The following MARCHF4 variants were observed in gnomAD, a reference collection of about 807,000 sequenced individuals.
MARCHF4 encodes the protein E3 ubiquitin-protein ligase MARCHF4.
In MARCHF4, 14 loss-of-function variants were observed where a neutral mutation model predicts 43.9. The observed-to-expected ratio is 0.32, with a 90% CI of 0.21 to 0.50. MARCHF4 has a LOEUF of 0.50. MARCHF4 is among the 20% of genes least tolerant of loss of function. MARCHF4 has a pLI of 0.98. For missense variants in MARCHF4, 468 were observed against 536.7 expected (o/e 0.87, Z 1.27); for synonymous variants, 226 against 213.3 (o/e 1.06, Z -0.52).
At chr2:216,259,859 C>A in intron 3 of MARCHF4, 180 bp from the exon 4 acceptor site, 1 of 620,448 alleles carries the variant, frequency 1.6e-6, no homozygotes, top group South Asian at 2.1e-5. Flanking sequence ...GGTGGAGGGG[C>A]CACCAGACCG....
At position 216,369,825 on chromosome 2, in the gene MARCHF4, C is replaced by T. The variant is rs1692725343; in HGVS notation, c.436G>A (p.Asp146Asn). 6.2e-7 allele frequency: 1 copy of T among 1,613,770 alleles called. No individual in the cohort carries two copies. The highest frequency in any genetic ancestry group is 1.3e-5 in the African/African-American group (1 of 74,926). ...SDDFCKEKTE[D>N]RYSLGSSLDS... ...AAGCTGCTGCCCAGTGAGTAGCGATCCTCGGTCTTCTCCTTACAGAAGTCA... is the reference window on the plus strand; with the variant it reads ...AAGCTGCTGCCCAGTGAGTAGCGATTCTCGGTCTTCTCCTTACAGAAGTCA... The change falls in exon 1 of 4, where the codon GAT becomes AAT. Residue 146 changes from aspartate (D) to asparagine (N), a missense_variant. By Grantham distance (23) the Asp-to-Asn change is conservative. This residue lies in a region of MARCHF4 where 158 missense variants were observed against 251.1 expected (regional missense o/e 0.63). Coordinates refer to ENST00000273067, the MANE Select transcript of MARCHF4 (RefSeq NM_020814.3).
In MARCHF4 at chr2:216,369,841, A is replaced by G. The variant is rs768541397; in HGVS notation, c.420T>C (p.Cys140=). Residue 140 remains cysteine, a synonymous_variant, in exon 1 of 4, where the codon TGT becomes TGC. Transcript: ENST00000273067. ...AGTAGCGATCCTCGGTCTTCTCCTT[A>G]CAGAAGTCATCTGAGGAGGCACTGC... is the stretch of plus-strand genomic sequence containing the variant. The part of the protein sequence containing the change: ...LLSSASSDDF[C]KEKTEDRYSL... 2 of 1,614,020 alleles carry G rather than the reference A, an allele frequency of 1.2e-6. No individual in the cohort carries two copies. The highest frequency in any genetic ancestry group is 2.2e-5 in the South Asian group (2 of 91,084).
At chr2:216,316,000 C>G (rs1468444957) in intron 1 of MARCHF4, among the ~76,000 whole-genome samples, 1 of 152,182 alleles carries the variant, frequency 6.6e-6, no homozygotes, top group Non-Finnish European at 1.5e-5. Context: ...CGACATCCTC[C>G]ATCAGGGTCT....
At chr2:216,338,858 C>T (rs530852051) in intron 1 of MARCHF4, among the ~76,000 whole-genome samples, 1 of 152,282 alleles carries the variant, frequency 6.6e-6, no homozygotes, top group East Asian at 1.9e-4. Flanking sequence ...CGTATCATCT[C>T]ATTTAATCCT....
intron 3 of MARCHF4, among the ~76,000 whole-genome samples, chr2:216,276,081 ATTGT>A (rs1691017587): frequency 6.6e-6 from 1 of 152,212 alleles, no homozygotes; most frequent in African/African-American, 2.4e-5. Flanking sequence ...GATCTGTGGA[ATTGT>A]TTGTTACTGT....
chr2:216,350,114 TATGCCACACG>T (rs1191375301), intron 1 of MARCHF4, among the ~76,000 whole-genome samples: 1 of 151,918 alleles, frequency 6.6e-6, no homozygotes, highest in Non-Finnish European at 1.5e-5. Context: ...ACAACCATGC[TATGCCACACG>T]ATGCCACGCC....
chr2:216,310,777 A>C (rs1181565535), intron 1 of MARCHF4, among the ~76,000 whole-genome samples: 2 of 152,058 alleles, frequency 1.3e-5, no homozygotes, highest in Non-Finnish European at 2.9e-5. Context: ...CGTTTTTATT[A>C]ATCTACTTTT....
At chr2:216,340,475 T>C (rs1692220540) in intron 1 of MARCHF4, among the ~76,000 whole-genome samples, 1 of 152,184 alleles carries the variant, frequency 6.6e-6, no homozygotes, top group African/African-American at 2.4e-5. Flanking sequence ...TGTTCCAGGC[T>C]TGAGTCAACA....
chr2:216,293,272 G>A (rs1373210020), intron 1 of MARCHF4, among the ~76,000 whole-genome samples: 1 of 152,072 alleles, frequency 6.6e-6, no homozygotes, highest in Non-Finnish European at 1.5e-5. Flanking sequence ...CCTCCTGATG[G>A]CACCAAGGCC....
intron 1 of MARCHF4, among the ~76,000 whole-genome samples, chr2:216,298,374 T>C (rs566258008): frequency 6.9e-6 from 1 of 144,976 alleles, no homozygotes; most frequent in African/African-American, 2.5e-5. Context: ...CAAGTGATTC[T>C]CCAACCTCAG....
chr2:216,363,151 C>G (rs913987714), intron 1 of MARCHF4, among the ~76,000 whole-genome samples: 4 of 152,174 alleles, frequency 2.6e-5, no homozygotes, highest in Non-Finnish European at 5.9e-5. Flanking sequence ...TTCTGAAATC[C>G]ATATTTCATA....
At chr2:216,325,172 G>C (rs779543342) in intron 1 of MARCHF4, among the ~76,000 whole-genome samples, 12 of 151,974 alleles carry the variant, frequency 7.9e-5, no homozygotes, top group Non-Finnish European at 1.6e-4. Flanking sequence ...ACACCAACAA[G>C]AGACAAACAG....
At chr2:216,277,578 C>T in intron 3 of MARCHF4, 94 bp downstream of exon 3, 2 of 1,353,148 alleles carry the variant, frequency 1.5e-6, no homozygotes, top group Non-Finnish European at 2.0e-6. Context: ...GCCATATCTG[C>T]TTCAGCCTCC....
intron 1 of MARCHF4, among the ~76,000 whole-genome samples, chr2:216,362,681 C>G (rs2105985396): frequency 6.6e-6 from 1 of 152,268 alleles, no homozygotes; most frequent in South Asian, 2.1e-4. Context: ...GGAAACTCCC[C>G]CCTTTCTTTC....
At chr2:216,274,298 T>C (rs1202871896) in intron 3 of MARCHF4, among the ~76,000 whole-genome samples, 1 of 152,186 alleles carries the variant, frequency 6.6e-6, no homozygotes, top group Non-Finnish European at 1.5e-5. Flanking sequence ...TCCCAGAGGC[T>C]GTGGTTCCTG....
chr2:216,311,268 A>T (rs563165454), intron 1 of MARCHF4, among the ~76,000 whole-genome samples: 33 of 149,288 alleles, frequency 2.2e-4, no homozygotes, highest in Non-Finnish European at 1.5e-4. Flanking sequence ...GGTGGGGGGG[A>T]TCTCACTTTG....
chr2:216,285,147 A>C lies in MARCHF4; in HGVS notation c.517-1418T>G, dbSNP rs147509798. ...TTTCATGTTTGAATAAGTACATGAA[A>C]AAATAAATCAAGTGTCTTCTCAGGT... On this transcript the variant is annotated intron_variant, in intron 1 of 3. Coordinates refer to ENST00000273067, the MANE Select transcript of MARCHF4 (RefSeq NM_020814.3). 2.0e-5 allele frequency among the ~76,000 whole-genome samples: 3 copies of C among 152,350 alleles called. No homozygotes were observed. The East Asian group carries it at 5.8e-4, about 29-fold the overall frequency.
At chr2:216,336,753 A>AAAAAAAAAAAAAAAAAAG in intron 1 of MARCHF4, among the ~76,000 whole-genome samples, 1 of 144,742 alleles carries the variant, frequency 6.9e-6, no homozygotes, top group African/African-American at 2.8e-5. Flanking sequence ...AAAAAAAAAA[A>AAAAAAAAAAAAAAAAAAG]AAAAAAAAAA....
intron 1 of MARCHF4, among the ~76,000 whole-genome samples, chr2:216,343,044 C>G (rs1291038997): frequency 1.3e-5 from 2 of 152,142 alleles, no homozygotes; most frequent in African/African-American, 4.8e-5. Flanking sequence ...CCCCCTGTCC[C>G]AAAGGACTGG....
Sources: allele counts gnomAD v4.1 joint callset (sites outside exome capture counted in the v4.1 genomes callset), GRCh38; gene constraint gnomAD v4.1.1; regional missense constraint gnomAD v4.1.1; transcripts MANE v1.5; gene names NCBI Gene and HGNC (gene_info 2026-07-23, HGNC 2026-07-21).